The following OR9Q1 variants were observed in gnomAD, a reference collection of about 807,000 sequenced individuals.
The protein encoded by OR9Q1 is olfactory receptor family 9 subfamily Q member 1, also known as olfactory receptor 9Q1.
For missense variants in OR9Q1, 374 were observed against 378.8 expected (o/e 0.99, Z 0.11); for synonymous variants, 153 against 148.6 (o/e 1.03, Z -0.22).
chr11:58,133,568 T>C (rs2119848469), intron 2 of OR9Q1, among the ~76,000 whole-genome samples: 1 of 152,348 alleles, frequency 6.6e-6, no homozygotes, highest in Admixed American at 6.5e-5. Flanking sequence ...GGTTTCCTTA[T>C]CTATAACATG....
chr11:58,110,651 G>A (rs1343042466), intron 2 of OR9Q1, among the ~76,000 whole-genome samples: 1 of 152,160 alleles, frequency 6.6e-6, no homozygotes, highest in Non-Finnish European at 1.5e-5. Flanking sequence ...TGTCATAACA[G>A]CAAGACATTT....
intron 2 of OR9Q1, among the ~76,000 whole-genome samples, chr11:58,150,492 G>T (rs1433401804): frequency 2.6e-5 from 4 of 152,180 alleles, no homozygotes; most frequent in Non-Finnish European, 5.9e-5. Flanking sequence ...TTCTTTGTAT[G>T]TAGTCATGCA....
chr11:58,164,192 A>G (rs971688732), intron 2 of OR9Q1, among the ~76,000 whole-genome samples: 1 of 152,108 alleles, frequency 6.6e-6, no homozygotes, highest in South Asian at 2.1e-4. Flanking sequence ...GGGAAGGGAA[A>G]GAGGAGGAGA....
chr11:58,090,236 G>A (rs530631740), intron 2 of OR9Q1, among the ~76,000 whole-genome samples: 3 of 152,228 alleles, frequency 2.0e-5, no homozygotes, highest in South Asian at 2.1e-4. Flanking sequence ...GTTTTCAAAG[G>A]GAATGCTTCC....
In OR9Q1 at chr11:58,090,158, C is replaced by T. The variant is rs118111661; in HGVS notation, c.-15+34211C>T. ...CTTATTTCTTTCTCTTGTCTGATTG[C>T]GCTGGTCAGAACTTTCAATACTATG... On this transcript the variant is annotated intron_variant, in intron 2 of 2. Transcript: ENST00000335397. Among the ~76,000 whole-genome samples, 27 of 152,220 alleles carry T rather than the reference C, an allele frequency of 1.8e-4. No homozygotes were observed. The East Asian group carries it at 3.5e-3, about 20-fold the overall frequency.
chr11:58,127,306 C>A (rs780578545), intron 2 of OR9Q1, among the ~76,000 whole-genome samples: 18 of 152,074 alleles, frequency 1.2e-4, no homozygotes, highest in Admixed American at 2.0e-4. Context: ...GGTTAGCTTC[C>A]TTAAAAAAAG....
chr11:58,035,945 G>GTTT (rs386373862), intron 1 of OR9Q1, among the ~76,000 whole-genome samples: 5,737 of 141,444 alleles, frequency 0.041, 117 homozygotes, highest in East Asian at 0.066. Context: ...ACTGGTACTG[G>GTTT]TTTTTTTTTT....
At chr11:58,070,500 A>G (rs547598247) in intron 2 of OR9Q1, among the ~76,000 whole-genome samples, 1 of 152,326 alleles carries the variant, frequency 6.6e-6, no homozygotes, top group East Asian at 1.9e-4. Flanking sequence ...GCTCATGCAC[A>G]TCAATTTATG....
chr11:58,140,885 C>T (rs1422552834), intron 2 of OR9Q1, among the ~76,000 whole-genome samples: 1 of 152,154 alleles, frequency 6.6e-6, no homozygotes, highest in African/African-American at 2.4e-5. Context: ...GGCAGTATGG[C>T]CATTTTCACG....
intron 2 of OR9Q1, among the ~76,000 whole-genome samples, chr11:58,128,551 A>T (rs1389657924): frequency 6.6e-6 from 1 of 152,182 alleles, no homozygotes; most frequent in African/African-American, 2.4e-5. Flanking sequence ...ATATCAAAAC[A>T]AATGTCAGAT....
chr11:58,168,970 TGACTGATAC>T (rs997603155), intron 2 of OR9Q1, among the ~76,000 whole-genome samples: 1 of 152,186 alleles, frequency 6.6e-6, no homozygotes. Flanking sequence ...TGTGTCAAAA[TGACTGATAC>T]TCTTTTTAGC....
chr11:58,045,812 C>A (rs1426543533), intron 1 of OR9Q1, among the ~76,000 whole-genome samples: 4 of 152,210 alleles, frequency 2.6e-5, no homozygotes, highest in African/African-American at 9.6e-5. Flanking sequence ...CAGCACCACT[C>A]TAGGGTTCCT....
chr11:58,034,242 T>G (rs1229951574), intron 1 of OR9Q1, among the ~76,000 whole-genome samples: 1 of 151,742 alleles, frequency 6.6e-6, no homozygotes, highest in Non-Finnish European at 1.5e-5. Context: ...CCCGCCACCA[T>G]GCCTGGCTAA....
intron 2 of OR9Q1, among the ~76,000 whole-genome samples, chr11:58,097,600 G>A (rs143149921): frequency 1.5e-4 from 23 of 152,270 alleles, no homozygotes; most frequent in Non-Finnish European, 3.1e-4. Context: ...TCCACTCCTA[G>A]CTATTTGCTC....
intron 2 of OR9Q1, among the ~76,000 whole-genome samples, chr11:58,106,699 T>C (rs1224395485): frequency 6.6e-6 from 1 of 152,152 alleles, no homozygotes; most frequent in African/African-American, 2.4e-5. Context: ...CCAGTGTCAT[T>C]CTTTTGCATA....
intron 2 of OR9Q1, among the ~76,000 whole-genome samples, chr11:58,096,658 C>A (rs1853734886): frequency 6.7e-6 from 1 of 148,512 alleles, no homozygotes. Context: ...GACTATAGGC[C>A]TGCACCATAC....
At chr11:58,029,204 TC>T (rs1565052910) in intron 1 of OR9Q1, among the ~76,000 whole-genome samples, 1 of 152,148 alleles carries the variant, frequency 6.6e-6, no homozygotes, top group African/African-American at 2.4e-5. Context: ...GGCTGAATGA[TC>T]TATTTCTCAG....
At chr11:58,151,806 A>T (rs1854355457) in intron 2 of OR9Q1, among the ~76,000 whole-genome samples, 1 of 151,880 alleles carries the variant, frequency 6.6e-6, no homozygotes, top group South Asian at 2.1e-4. Flanking sequence ...ACACAGAATT[A>T]CCCCAGGCTT....
intron 2 of OR9Q1, among the ~76,000 whole-genome samples, chr11:58,142,804 G>C (rs192099224): frequency 6.6e-6 from 1 of 152,014 alleles, no homozygotes. Context: ...TGCTGGCTTT[G>C]TCTGTTAATG....
Sources: allele counts gnomAD v4.1 joint callset (sites outside exome capture counted in the v4.1 genomes callset), GRCh38; gene constraint gnomAD v4.1.1; transcripts MANE v1.5; gene names NCBI Gene and HGNC (gene_info 2026-07-23, HGNC 2026-07-21).